Variants in MIER2 observed in about 807,000 individuals in gnomAD.
MIER2 encodes the protein mesoderm induction early response protein 2.
A neutral mutation model predicts 67.6 loss-of-function variants in MIER2; 30 were observed. The observed-to-expected ratio is 0.44, with a 90% confidence interval of 0.33 to 0.60. The LOEUF is 0.60. MIER2 is among the 20% of genes least tolerant of loss of function. The pLI is 0.02. For synonymous variants in MIER2, 372 were observed against 312.6 expected (o/e 1.19, Z -2.00); for missense variants, 702 against 745.1 (o/e 0.94, Z 0.67).
chr19:341,274 G>A (rs1321208289), intron 1 of MIER2, among the ~76,000 whole-genome samples: 4 of 152,184 alleles, frequency 2.6e-5, no homozygotes, highest in Non-Finnish European at 5.9e-5. Context: ...CCCCAGTCTG[G>A]ACGGCAAGTT....
At chr19:317,628 G>GTTCTC (rs1971308521) in intron 7 of MIER2, among the ~76,000 whole-genome samples, 1 of 151,048 alleles carries the variant, frequency 6.6e-6, no homozygotes, top group Non-Finnish European at 1.5e-5. Flanking sequence ...TACTTGGGAG[G>GTTCTC]CTAAGGTAGG....
intron 1 of MIER2, 118 bp from the exon 2 acceptor site, chr19:336,291 G>A (rs1472536725): frequency 2.5e-6 from 2 of 793,128 alleles, no homozygotes; most frequent in African/African-American, 1.7e-5. Context: ...ACCAGGGAAG[G>A]GGCTTTGTCT....
intron 1 of MIER2, among the ~76,000 whole-genome samples, chr19:338,241 G>A (rs1295983569): frequency 6.6e-6 from 1 of 151,002 alleles, no homozygotes; most frequent in Non-Finnish European, 1.5e-5. Flanking sequence ...GCTGGTGCTG[G>A]TGACATGATC....
At chr19:342,540 C>G (rs145592083) in intron 1 of MIER2, among the ~76,000 whole-genome samples, 23 of 150,868 alleles carry the variant, frequency 1.5e-4, no homozygotes, top group Middle Eastern at 3.4e-3. Context: ...TCCCAGGGAC[C>G]ATGAAAAGCC....
chr19:340,222 A>G (rs1972440336), intron 1 of MIER2, among the ~76,000 whole-genome samples: 1 of 152,134 alleles, frequency 6.6e-6, no homozygotes, highest in African/African-American at 2.4e-5. Context: ...GCGGCTTGCA[A>G]ACACCTTCCA....
At chr19:319,638 T>C (rs1182142974) in intron 7 of MIER2, among the ~76,000 whole-genome samples, 3 of 152,064 alleles carry the variant, frequency 2.0e-5, no homozygotes, top group African/African-American at 7.2e-5. Context: ...TTTGTATTTT[T>C]AGTAGCGACA....
chr19:331,352 T>C (rs1972013287), intron 3 of MIER2, among the ~76,000 whole-genome samples: 1 of 122,440 alleles, frequency 8.2e-6, no homozygotes, highest in African/African-American at 3.6e-5. Flanking sequence ...AGTGAGACTC[T>C]GTCCCCAGAA....
chr19:344,478 G>GCCCCGCGTCCCTCCCCTCCCCCA (rs2145588795), intron 1 of MIER2: 1 of 659,558 alleles, frequency 1.5e-6, no homozygotes, highest in Non-Finnish European at 1.9e-6. Context: ...CACCAGCCCC[G>GCCCCGCGTCCCTCCCCTCCCCCA]CCCCGCGTCC....
intron 6 of MIER2, 60 bp from the exon 7 acceptor site, chr19:325,764 T>C (rs889688871): frequency 2.5e-6 from 4 of 1,591,698 alleles, no homozygotes; most frequent in African/African-American, 2.7e-5. Context: ...GGCGGGAGGC[T>C]GGCTGCAGCG....
rs926388553 is a variant in MIER2, at chr19:327,808, C to T, written c.369+56G>A. ...AACACTCCCCTCTGCAGAGAGGCAG[C>T]GCCAGGCCCCCCCACCTTCAGCTGT... On this transcript the variant is annotated intron_variant, in intron 4 of 13. Transcript: ENST00000264819. 3.6e-5 allele frequency: 57 copies of T among 1,598,536 alleles called. No homozygotes were observed. In the Admixed American group the frequency reaches 4.0e-4, roughly 11 times the overall value.
intron 3 of MIER2, among the ~76,000 whole-genome samples, chr19:330,912 C>G (rs554885243): frequency 6.6e-6 from 1 of 152,298 alleles, no homozygotes; most frequent in African/African-American, 2.4e-5. Flanking sequence ...ACAAAACTAT[C>G]ACTTGATGGG....
intron 7 of MIER2, among the ~76,000 whole-genome samples, chr19:315,829 C>G (rs570531018): frequency 6.6e-6 from 1 of 152,336 alleles, no homozygotes; most frequent in South Asian, 2.1e-4. Flanking sequence ...CTGATACCAA[C>G]CCACAGAGCC....
chr19:310,725 C>T (rs961706756), intron 10 of MIER2, among the ~76,000 whole-genome samples: 1 of 131,176 alleles, frequency 7.6e-6, no homozygotes, highest in African/African-American at 3.2e-5. Context: ...GGAACATGGC[C>T]CGGAGCTGTA....
At chr19:343,730 C>T (rs1400528858) in intron 1 of MIER2, 3 of 613,320 alleles carry the variant, frequency 4.9e-6, no homozygotes, top group Non-Finnish European at 6.1e-6. Context: ...GTCTGCCCGC[C>T]TGTCGTAACT....
intron 6 of MIER2, 142 bp downstream of exon 6, chr19:326,365 G>A (rs1458674705): frequency 2.8e-6 from 2 of 702,684 alleles, no homozygotes; most frequent in Non-Finnish European, 5.2e-6. Flanking sequence ...CCACGGCCGG[G>A]ATGCCAGGTT....
intron 10 of MIER2, among the ~76,000 whole-genome samples, chr19:310,785 C>CGG (rs1970963672): frequency 6.7e-6 from 1 of 149,382 alleles, no homozygotes; most frequent in Non-Finnish European, 1.5e-5. Flanking sequence ...AAACACGGCC[C>CGG]AGAGTCCAGA....
intron 1 of MIER2, among the ~76,000 whole-genome samples, chr19:338,927 T>C (rs1183137095): frequency 6.6e-6 from 1 of 152,000 alleles, no homozygotes; most frequent in African/African-American, 2.4e-5. Flanking sequence ...AGGCCTTAAA[T>C]ATAAGAGCCA....
In MIER2 at chr19:307,525, C is replaced by T. The variant is rs542545025; in HGVS notation, c.1210G>A (p.Val404Met). ...LTGMRTDPLSVDGTAGGLDEP... is the reference protein window; with the variant it reads ...LTGMRTDPLSMDGTAGGLDEP... ...TCGAGACCACCGGCCGTGCCATCCA[C>T]GCTCAGTGGATCTGTGAAAGAGAAC... The change falls in exon 13 of 14, where the codon GTG becomes ATG. Residue 404 changes from valine (V) to methionine (M), a missense_variant. Val to Met is a conservative substitution (Grantham distance 21, BLOSUM62 1). This residue lies in a region of MIER2 where 254 missense variants were observed against 262.8 expected (regional missense o/e 0.97). Coordinates refer to ENST00000264819, the MANE Select transcript of MIER2 (RefSeq NM_017550.3). 2.4e-5 allele frequency: 36 copies of T among 1,507,542 alleles called. No homozygotes were observed. The Middle Eastern group carries it at 1.1e-3, about 45-fold the overall frequency. The allele number at this position is 1,507,542 out of a possible 1,614,324, so 93.4% of individuals were successfully genotyped here.
At chr19:316,817 A>C (rs1971254736) in intron 7 of MIER2, among the ~76,000 whole-genome samples, 1 of 152,016 alleles carries the variant, frequency 6.6e-6, no homozygotes, top group Non-Finnish European at 1.5e-5. Flanking sequence ...AAAAATACAA[A>C]AATTAGCTGG....
Sources: gnomAD v4.1 joint callset for allele counts (sites outside exome capture counted in the v4.1 genomes callset) on GRCh38, gnomAD v4.1.1 for gene constraint, gnomAD v4.1.1 regional missense constraint, MANE v1.5 for transcripts, NCBI Gene and HGNC (gene_info 2026-07-23, HGNC 2026-07-21) for gene names.